The following MALRD1 variants were observed in gnomAD, a reference collection of about 807,000 sequenced individuals.
MALRD1 encodes MAM and LDL receptor class A domain containing 1.
Under a neutral mutation model 242.1 loss-of-function variants are expected in MALRD1, and 247 were observed. That is an observed-to-expected ratio of 1.02 (90% CI 0.92 to 1.13). The LOEUF (loss-of-function observed/expected upper bound fraction) is 1.13, where lower values mean the gene tolerates loss of function less well. MALRD1 is among the 50% of genes most tolerant of loss of function. MALRD1 has a pLI of 0.00. For missense variants in MALRD1, 2,989 were observed against 2,533.1 expected, an observed-to-expected ratio of 1.18 and a Z score of -3.86; for synonymous variants, 995 against 866.6, an observed-to-expected ratio of 1.15 and a Z score of -2.60.
At chr10:19,577,446 C>T (rs1836884649) in intron 33 of MALRD1, among the ~76,000 whole-genome samples, 1 of 152,156 alleles carries the variant, frequency 6.6e-6, no homozygotes, top group Non-Finnish European at 1.5e-5. Flanking sequence ...GGATTCCCTG[C>T]TTGTCAGCCT....
At chr10:19,534,422 G>A (rs933899154) in intron 32 of MALRD1, among the ~76,000 whole-genome samples, 9 of 152,136 alleles carry the variant, frequency 5.9e-5, no homozygotes, top group Non-Finnish European at 1.3e-4. Context: ...TCTTTCACCT[G>A]CAAGTTTGTG....
chr10:19,263,585 T>C (rs1839848993), intron 19 of MALRD1, among the ~76,000 whole-genome samples: 1 of 152,308 alleles, frequency 6.6e-6, no homozygotes, highest in East Asian at 1.9e-4. Context: ...GGTTTGGAAA[T>C]ACTTTCTCTT....
chr10:19,078,007 G>A (rs185830170), intron 2 of MALRD1, among the ~76,000 whole-genome samples: 165 of 151,872 alleles, frequency 1.1e-3, no homozygotes, highest in African/African-American at 3.3e-3. Context: ...AGTTCTTGAT[G>A]CTATTATTAT....
At chr10:19,673,956 T>C (rs555022171) in intron 36 of MALRD1, among the ~76,000 whole-genome samples, 1 of 152,110 alleles carries the variant, frequency 6.6e-6, no homozygotes, top group African/African-American at 2.4e-5. Flanking sequence ...TGCATAAGGT[T>C]TGGGTAGTAA....
intron 38 of MALRD1, among the ~76,000 whole-genome samples, chr10:19,727,203 T>C (rs1564573296): frequency 6.6e-6 from 1 of 152,192 alleles, no homozygotes; most frequent in Admixed American, 6.5e-5. Flanking sequence ...GATTTATAGC[T>C]CCATAAAGCT....
At chr10:19,203,486 A>C (rs1836641772) in intron 14 of MALRD1, among the ~76,000 whole-genome samples, 2 of 152,214 alleles carry the variant, frequency 1.3e-5, no homozygotes, top group Non-Finnish European at 2.9e-5. Context: ...GTTTCTCAGA[A>C]TATTCGGAAA....
intron 36 of MALRD1, among the ~76,000 whole-genome samples, chr10:19,662,213 C>A (rs1328093767): frequency 6.6e-6 from 1 of 152,026 alleles, no homozygotes; most frequent in African/African-American, 2.4e-5. Context: ...AACACTATTT[C>A]GTATTTATAA....
chr10:19,084,567 G>T (rs1330099633), intron 2 of MALRD1, among the ~76,000 whole-genome samples: 1 of 151,884 alleles, frequency 6.6e-6, no homozygotes, highest in African/African-American at 2.4e-5. Context: ...CTCTCAGAAC[G>T]TGGGAAATGG....
chr10:19,208,304 C>A (rs1027599609), intron 17 of MALRD1, among the ~76,000 whole-genome samples: 1 of 152,062 alleles, frequency 6.6e-6, no homozygotes, highest in African/African-American at 2.4e-5. Flanking sequence ...ACATACCTAA[C>A]ATTAGGGTAA....
intron 29 of MALRD1, among the ~76,000 whole-genome samples, chr10:19,464,137 T>G (rs756935587): frequency 1.4e-4 from 21 of 152,180 alleles, no homozygotes; most frequent in Non-Finnish European, 2.6e-4. Context: ...GTATATATTG[T>G]GAAGATTTTT....
At chr10:19,261,270 G>A (rs1015488189) in intron 19 of MALRD1, among the ~76,000 whole-genome samples, 5 of 151,700 alleles carry the variant, frequency 3.3e-5, no homozygotes, top group African/African-American at 1.2e-4. Context: ...TTCGAGTTTT[G>A]GAAGAAAAAT....
chr10:19,609,157 A>G (rs532802777), intron 35 of MALRD1, among the ~76,000 whole-genome samples: 1 of 152,180 alleles, frequency 6.6e-6, no homozygotes, highest in South Asian at 2.1e-4. Flanking sequence ...ACCCAGCCAT[A>G]GACAATCTGT....
intron 33 of MALRD1, among the ~76,000 whole-genome samples, chr10:19,577,747 C>A (rs982246746): frequency 1.3e-5 from 2 of 151,594 alleles, no homozygotes; most frequent in African/African-American, 4.8e-5. Context: ...ATATATGTAA[C>A]ATAACATATA....
intron 26 of MALRD1, among the ~76,000 whole-genome samples, chr10:19,384,187 T>C (rs1233761281): frequency 6.7e-6 from 1 of 149,332 alleles, no homozygotes; most frequent in Non-Finnish European, 1.5e-5. Context: ...GAGAAATGTC[T>C]TCTGCCAATT....
chr10:19,656,435 A>G (rs1163887742), intron 36 of MALRD1, among the ~76,000 whole-genome samples: 1 of 152,154 alleles, frequency 6.6e-6, no homozygotes, highest in East Asian at 1.9e-4. Context: ...TACTAATTCT[A>G]TAAATAAGTG....
At chr10:19,512,090 G>GTGGGGCTCT (rs1320444816) in intron 31 of MALRD1, among the ~76,000 whole-genome samples, 1 of 151,970 alleles carries the variant, frequency 6.6e-6, no homozygotes, top group Non-Finnish European at 1.5e-5. Context: ...AAAGAGCTTG[G>GTGGGGCTCT]TATCATTCTC....
chr10:19,594,253 G>A (rs982459663), intron 33 of MALRD1, among the ~76,000 whole-genome samples: 2 of 152,136 alleles, frequency 1.3e-5, no homozygotes, highest in African/African-American at 4.8e-5. Context: ...TCTTTAATTT[G>A]AAGGTGTCAG....
At chr10:19,375,739 C>T (rs770766514) in intron 26 of MALRD1, among the ~76,000 whole-genome samples, 11 of 152,042 alleles carry the variant, frequency 7.2e-5, no homozygotes, top group Admixed American at 5.9e-4. Flanking sequence ...AACTCAACCA[C>T]GATGAAATTA....
chr10:19,444,894 A>G (rs1390646359), intron 28 of MALRD1, among the ~76,000 whole-genome samples: 1 of 152,182 alleles, frequency 6.6e-6, no homozygotes, highest in Middle Eastern at 3.2e-3. Flanking sequence ...AATATCCTGC[A>G]GAGTATTTTC....
Sources: allele counts gnomAD v4.1 joint callset (sites outside exome capture counted in the v4.1 genomes callset), GRCh38; gene constraint gnomAD v4.1.1; transcripts MANE v1.5; gene names NCBI Gene and HGNC (gene_info 2026-07-23, HGNC 2026-07-21).